Variants in ADAMTSL1 observed in about 807,000 individuals in gnomAD.
The protein encoded by ADAMTSL1 is ADAMTS-like protein 1.
ADAMTSL1 carries 126 observed loss-of-function variants against 201.8 expected under a neutral mutation model. The ratio of observed to expected loss-of-function variants is 0.62; its 90% CI spans 0.54 to 0.72. The LOEUF (loss-of-function observed/expected upper bound fraction) is 0.72. Ranked by LOEUF, ADAMTSL1 falls within the 30% of genes least tolerant of loss-of-function variation. ADAMTSL1 has a pLI of 0.00. For missense variants in ADAMTSL1, 2,679 were observed against 2,277.8 expected (o/e 1.18, Z -3.59); for synonymous variants, 1,121 against 903.4 (o/e 1.24, Z -4.32).
At chr9:18,290,271 A>G (rs1407503039) in intron 2 of ADAMTSL1, among the ~76,000 whole-genome samples, 2 of 136,136 alleles carry the variant, frequency 1.5e-5, no homozygotes, top group Admixed American at 8.9e-5. Flanking sequence ...CCGCTATGCC[A>G]GGGGATTAGA....
At chr9:18,643,880 T>C (rs375750969) in intron 7 of ADAMTSL1, among the ~76,000 whole-genome samples, 17 of 152,112 alleles carry the variant, frequency 1.1e-4, no homozygotes, top group Admixed American at 9.2e-4. Flanking sequence ...TGTGGTTCCA[T>C]TTGAATTTTA....
intron 2 of ADAMTSL1, among the ~76,000 whole-genome samples, chr9:18,361,489 G>A (rs966433814): frequency 6.6e-6 from 1 of 152,134 alleles, no homozygotes; most frequent in Non-Finnish European, 1.5e-5. Context: ...GGCTTTGGGG[G>A]GAAATCGTAG....
At chr9:18,349,208 G>T (rs373836521) in intron 2 of ADAMTSL1, among the ~76,000 whole-genome samples, 7 of 152,212 alleles carry the variant, frequency 4.6e-5, no homozygotes, top group Non-Finnish European at 1.0e-4. Flanking sequence ...AGGAGAAAAT[G>T]AGACTTATGT....
chr9:18,421,596 C>G (rs1453267121), intron 2 of ADAMTSL1, among the ~76,000 whole-genome samples: 4 of 152,250 alleles, frequency 2.6e-5, no homozygotes, highest in Non-Finnish European at 4.4e-5. Flanking sequence ...CAAACCCTCT[C>G]CTGCTCAACA....
chr9:18,462,090 G>T (rs1489173245), intron 2 of ADAMTSL1, among the ~76,000 whole-genome samples: 1 of 152,024 alleles, frequency 6.6e-6, no homozygotes, highest in Non-Finnish European at 1.5e-5. Context: ...TTGTTCAAGG[G>T]TCAAATGTGA....
rs71333031 is a variant in ADAMTSL1 at position 18,206,053 on chromosome 9, C to CAAAA, written c.207+42101_207+42104dup. On this transcript the variant is annotated intron_variant, in intron 2 of 29. Coordinates refer to the ADAMTSL1 transcript ENST00000680146. ...TGGGCAACAAAGTGAGACTCCATCT[C>CAAAA]AAAAAAAAAAAAAAAAAAAAAAAAA... Among the ~76,000 whole-genome samples the CAAAA allele has an allele frequency of 8.1e-4, 44 of 54,352 alleles. 1 individual carries two copies. Among genetic ancestry groups the CAAAA allele is most frequent in the Non-Finnish European group, 8.9e-4 (30 of 33,606 alleles). The allele number at this position is 54,352 out of a possible 152,430, so 35.7% of individuals were successfully genotyped here.
chr9:18,304,262 G>A (rs1418244494), intron 2 of ADAMTSL1, among the ~76,000 whole-genome samples: 1 of 151,780 alleles, frequency 6.6e-6, no homozygotes, highest in African/African-American at 2.4e-5. Flanking sequence ...CAAGAAGGGG[G>A]TCTAGAGCTT....
rs767232703 is a variant in ADAMTSL1 at position 18,777,933 on chromosome 9, G to A, written c.3677+27G>A. Reference sequence around the variant, plus strand: ...TGAGCCTTGTAGCTAACCTGGTCTTGGGAGGGAGGCAAGGGGCCACATCTG... The same window carrying A: ...TGAGCCTTGTAGCTAACCTGGTCTTAGGAGGGAGGCAAGGGGCCACATCTG... On this transcript the variant is annotated intron_variant, in intron 19 of 28. Transcript: ENST00000380548. 3.3e-6 allele frequency: 5 copies of A among 1,518,056 alleles called. No individual in the cohort carries two copies. In the Admixed American group the frequency reaches 6.5e-5, roughly 20 times the overall value. The allele number at this position is 1,518,056 out of a possible 1,614,324, so 94.0% of individuals were successfully genotyped here. A position where few individuals can be genotyped will look rare whatever the true frequency, so the allele number is the denominator to read the frequency against.
chr9:18,743,150 C>T (rs1818939426), intron 15 of ADAMTSL1, among the ~76,000 whole-genome samples: 1 of 152,092 alleles, frequency 6.6e-6, no homozygotes, highest in Non-Finnish European at 1.5e-5. Flanking sequence ...AAATGGGAAC[C>T]AGAACTTAGA....
chr9:18,465,154 G>A (rs58068158), intron 2 of ADAMTSL1, among the ~76,000 whole-genome samples: 5,790 of 152,168 alleles, frequency 0.038, 354 homozygotes, highest in African/African-American at 0.13. Context: ...AAAGCCAGGG[G>A]CATAATGTTT....
intron 23 of ADAMTSL1, among the ~76,000 whole-genome samples, chr9:18,876,235 G>A (rs1426699856): frequency 6.6e-6 from 1 of 151,160 alleles, no homozygotes; most frequent in Non-Finnish European, 1.5e-5. Context: ...TAAGCCATTT[G>A]TATTCAACAT....
chr9:18,190,329 A>G (rs2132228143), intron 2 of ADAMTSL1, among the ~76,000 whole-genome samples: 1 of 152,284 alleles, frequency 6.6e-6, no homozygotes, highest in East Asian at 1.9e-4. Flanking sequence ...ACTCTTTTTA[A>G]TCCTTGACCA....
Position 18,889,580 on chromosome 9 carries a change from C to T in ADAMTSL1, c.4475C>T (p.Ser1492Phe), listed in dbSNP as rs773861454. 1 of 1,613,804 alleles carries T rather than the reference C, an allele frequency of 6.2e-7. No individual in the cohort carries two copies. Among genetic ancestry groups the T allele is most frequent in the South Asian group, 1.1e-5 (1 of 91,038 alleles). ...ASLVIQDYWW[S>F]VDRLATCSAS... ...CCTCCCATGACAGATTACTGGTGGT[C>T]TGTGGACAGACTGGCAACCTGCTCA... is the stretch of plus-strand genomic sequence containing the variant. Residue 1492 changes from serine to phenylalanine, a missense_variant, in exon 25 of 29, where the codon TCT (serine) becomes TTT (phenylalanine). Transcript: ENST00000380548.
chr9:18,436,934 C>T (rs1819761874), intron 2 of ADAMTSL1, among the ~76,000 whole-genome samples: 1 of 152,114 alleles, frequency 6.6e-6, no homozygotes, highest in African/African-American at 2.4e-5. Context: ...GTTGACCCAC[C>T]ATAAAGTTGT....
chr9:18,000,495 A>G lies in ADAMTSL1; in HGVS notation c.87+93573A>G, dbSNP rs138658452. Among the ~76,000 whole-genome samples, 96 of 152,056 alleles carry G rather than the reference A, an allele frequency of 6.3e-4. 2 individuals carry two copies. In the East Asian group the frequency reaches 0.017, roughly 27 times the overall value. ...GGAAGAGTACCTCTCCTCTGAGCCC[A>G]GTTTCTTGACATCCACAAATGAGAT... On this transcript the variant is annotated intron_variant, in intron 1 of 29. Coordinates refer to the ADAMTSL1 transcript ENST00000680146.
intron 2 of ADAMTSL1, chr9:18,164,122 G>C (rs1288963469): frequency 6.6e-6 from 1 of 152,014 alleles, no homozygotes; most frequent in Non-Finnish European, 1.5e-5. Context: ...GGGAGGCAAA[G>C]TGTAGGGCAG....
intron 1 of ADAMTSL1, among the ~76,000 whole-genome samples, chr9:18,161,040 T>C (rs572591761): frequency 6.6e-6 from 1 of 151,906 alleles, no homozygotes; most frequent in South Asian, 2.1e-4. Context: ...TGATATTACA[T>C]AAAAGTATTG....
At chr9:18,092,920 C>G (rs1022983029) in intron 1 of ADAMTSL1, among the ~76,000 whole-genome samples, 1 of 152,142 alleles carries the variant, frequency 6.6e-6, no homozygotes, top group Non-Finnish European at 1.5e-5. Flanking sequence ...ATGGACTTGG[C>G]AACAAGTAGG....
intron 2 of ADAMTSL1, among the ~76,000 whole-genome samples, chr9:18,510,570 A>G (rs1035658400): frequency 1.1e-4 from 17 of 152,068 alleles, no homozygotes; most frequent in African/African-American, 2.9e-4. Context: ...GGTTTATGAT[A>G]TTGGAACACT....
Sources: gnomAD v4.1 joint callset for allele counts (sites outside exome capture counted in the v4.1 genomes callset) on GRCh38, gnomAD v4.1.1 for gene constraint, MANE v1.5 for transcripts, NCBI Gene and HGNC (gene_info 2026-07-23, HGNC 2026-07-21) for gene names.